TMEM244: variants seen among roughly 807,000 people sequenced by gnomAD.
TMEM244 encodes the protein transmembrane protein 244.
A neutral mutation model predicts 15.8 loss-of-function variants in TMEM244; 13 were observed. The ratio of observed to expected loss-of-function variants is 0.82; its 90% CI spans 0.53 to 1.30. The LOEUF is 1.30. Ranked by LOEUF, TMEM244 falls within the 50% of genes most tolerant of loss-of-function variation. TMEM244 has a pLI of 0.00. For missense variants in TMEM244, 161 were observed against 144.9 expected (o/e 1.11, Z -0.57); for synonymous variants, 45 against 48.7 (o/e 0.92, Z 0.32).
At chr6:129,859,061 T>A (rs1429091899) in intron 1 of TMEM244, among the ~76,000 whole-genome samples, 1 of 152,130 alleles carries the variant, frequency 6.6e-6, no homozygotes, top group African/African-American at 2.4e-5. Flanking sequence ...CCTAAAGTGC[T>A]GGGATTACAG....
Position 129,852,296 on chromosome 6 carries a change from T to C in TMEM244, c.34-6444A>G, listed in dbSNP as rs1203320294. On this transcript the variant is annotated intron_variant, in intron 1 of 4. Coordinates refer to ENST00000368143, the MANE Select transcript of TMEM244 (RefSeq NM_001010876.2). ...AACTTTTAAAGCATGCTTTGATTAA[T>C]ACAATTTTGAGGAACATCCCTAGGG... Among the ~76,000 whole-genome samples, 7 of 152,180 alleles carry C rather than the reference T, an allele frequency of 4.6e-5. No individual in the cohort carries two copies. In the East Asian group the frequency reaches 1.3e-3, roughly 29 times the overall value.
At position 129,843,548 on chromosome 6, in the gene TMEM244, G is replaced by A. The variant is rs146492931; in HGVS notation, c.175C>T (p.Leu59Phe). ...PFDFKTNPSW[L>F]NINYKVLLVS... The stretch of plus-strand genomic sequence containing the variant: ...CAATTACCTTTATAGTTTATGTTGA[G>A]CCATGAGGGATTTGTTTTGAAATCA... The change falls in exon 3 of 5, where the codon CTC (leucine) becomes TTC (phenylalanine). Residue 59 changes from leucine (L) to phenylalanine (F), a missense_variant. Coordinates refer to ENST00000368143, the MANE Select transcript of TMEM244 (RefSeq NM_001010876.2). 6.2e-7 allele frequency: 1 copy of A among 1,611,286 alleles called. No individual in the cohort carries two copies. The highest frequency in any genetic ancestry group is 8.5e-7 in the Non-Finnish European group (1 of 1,177,878).
At chr6:129,857,798 T>TTATATA (rs540005436) in intron 1 of TMEM244, among the ~76,000 whole-genome samples, 2 of 149,408 alleles carry the variant, frequency 1.3e-5, no homozygotes, top group African/African-American at 4.9e-5. Context: ...GTGTGGTTTT[T>TTATATA]TATATATATA....
At chr6:129,837,329 TCATAA>T (rs1375412421) in intron 3 of TMEM244, among the ~76,000 whole-genome samples, 37 of 152,130 alleles carry the variant, frequency 2.4e-4, no homozygotes, top group African/African-American at 8.9e-4. Context: ...AAACTAAGCT[TCATAA>T]GTGAAGGAGA....
At chr6:129,852,980 T>C (rs1452479246) in intron 1 of TMEM244, among the ~76,000 whole-genome samples, 1 of 152,144 alleles carries the variant, frequency 6.6e-6, no homozygotes, top group Admixed American at 6.6e-5. Context: ...TTCCAGTCTA[T>C]TGATGGAGCT....
chr6:129,855,768 A>G (rs1370929933), intron 1 of TMEM244, among the ~76,000 whole-genome samples: 1 of 152,166 alleles, frequency 6.6e-6, no homozygotes, highest in African/African-American at 2.4e-5. Flanking sequence ...TATGACTTTC[A>G]TTATTACTGA....
At chr6:129,837,702 T>C (rs867344856) in intron 3 of TMEM244, among the ~76,000 whole-genome samples, 1 of 152,096 alleles carries the variant, frequency 6.6e-6, no homozygotes, top group Non-Finnish European at 1.5e-5. Context: ...AAGACGCACA[T>C]AGGCTCAAAA....
At chr6:129,839,258 G>T (rs1349784615) in intron 3 of TMEM244, among the ~76,000 whole-genome samples, 1 of 152,174 alleles carries the variant, frequency 6.6e-6, no homozygotes, top group Non-Finnish European at 1.5e-5. Context: ...TCCCTGGGAT[G>T]CAAGGCTGGT....
rs549649524 is a variant in TMEM244, at chr6:129,835,404, TA to T, written c.194-1820del. Among the ~76,000 whole-genome samples the T allele has an allele frequency of 7.3e-3, 1,009 of 138,146 alleles. 3 individuals are homozygous for T. Among genetic ancestry groups the T allele is most frequent in the African/African-American group, 0.014 (538 of 37,304 alleles). The allele number at this position is 138,146 out of a possible 152,430, so 90.6% of individuals were successfully genotyped here. ...GGTGACAGAGTGAATCTCTGTCTCT[TA>T]AAAAAAAAAAAAAAGAGTTATGGAG... On this transcript the variant is annotated intron_variant, in intron 3 of 4. Coordinates refer to ENST00000368143, the MANE Select transcript of TMEM244 (RefSeq NM_001010876.2).
chr6:129,833,815 ATTC>A (rs1488100595), intron 3 of TMEM244, among the ~76,000 whole-genome samples: 2 of 129,282 alleles, frequency 1.5e-5, no homozygotes, highest in Non-Finnish European at 3.3e-5. Flanking sequence ...TCTGTTTCAC[ATTC>A]TTTGTGTTTA....
At position 129,848,683 on chromosome 6, in the gene TMEM244, G is replaced by T. The variant is rs545425425; in HGVS notation, c.34-2831C>A. Among the ~76,000 whole-genome samples, 6 of 152,292 alleles carry T rather than the reference G, an allele frequency of 3.9e-5. No homozygotes were observed. The East Asian group carries it at 1.2e-3, about 29-fold the overall frequency. On this transcript the variant is annotated intron_variant, in intron 1 of 4. Transcript: ENST00000368143. ...AAATCTTCCCCAATTGCTGGGATGA[G>T]AATTTGCTGCTGGGAGATGGGTATG... is the stretch of plus-strand genomic sequence containing the variant.
intron 1 of TMEM244, among the ~76,000 whole-genome samples, chr6:129,858,644 A>G (rs1776753175): frequency 6.6e-6 from 1 of 152,180 alleles, no homozygotes; most frequent in Non-Finnish European, 1.5e-5. Flanking sequence ...TCCAGTCTCT[A>G]AAAGACAGAC....
chr6:129,852,138 T>C (rs1460967888), intron 1 of TMEM244, among the ~76,000 whole-genome samples: 1 of 152,176 alleles, frequency 6.6e-6, no homozygotes, highest in Non-Finnish European at 1.5e-5. Context: ...GATTGAATAG[T>C]TGATAATTTT....
chr6:129,849,047 C>T (rs1776601389), intron 1 of TMEM244, among the ~76,000 whole-genome samples: 2 of 151,820 alleles, frequency 1.3e-5, no homozygotes, highest in Non-Finnish European at 2.9e-5. Context: ...TACTACAAAC[C>T]CAGAAAACCT....
At chr6:129,848,326 T>C (rs1256673394) in intron 1 of TMEM244, among the ~76,000 whole-genome samples, 1 of 152,236 alleles carries the variant, frequency 6.6e-6, no homozygotes, top group African/African-American at 2.4e-5. Flanking sequence ...AGACTTCCCA[T>C]TATGTCTCAT....
Position 129,833,591 on chromosome 6 carries a change from A to C in TMEM244, c.194-6T>G. On this transcript the variant is annotated splice_polypyrimidine_tract_variant and splice_region_variant and intron_variant, in intron 3 of 4. Coordinates refer to ENST00000368143, the MANE Select transcript of TMEM244 (RefSeq NM_001010876.2). Reference sequence around the variant, plus strand: ...CTCTGTTGAAACTAAAAGAACTGCAAATACAAGGAAGAATATAATTATTGA... The same window carrying C: ...CTCTGTTGAAACTAAAAGAACTGCACATACAAGGAAGAATATAATTATTGA... The C allele has an allele frequency of 6.2e-7, 1 of 1,610,302 alleles. No homozygotes were observed. The highest frequency in any genetic ancestry group is 8.5e-7 in the Non-Finnish European group (1 of 1,178,562).
chr6:129,852,889 C>T (rs1391040337), intron 1 of TMEM244, among the ~76,000 whole-genome samples: 2 of 152,172 alleles, frequency 1.3e-5, no homozygotes. Flanking sequence ...TCCTCACCAT[C>T]TCCCTCTTTT....
intron 1 of TMEM244, among the ~76,000 whole-genome samples, chr6:129,846,609 G>A (rs1375562482): frequency 6.6e-6 from 1 of 152,030 alleles, no homozygotes; most frequent in Non-Finnish European, 1.5e-5. Flanking sequence ...GCCAATATTT[G>A]TATTTTAACT....
In TMEM244 at chr6:129,831,266, A is replaced by G; in HGVS notation, c.*53T>C. The G allele has an allele frequency of 1.9e-6, 2 of 1,029,852 alleles. No individual in the cohort carries two copies. Among genetic ancestry groups the G allele is most frequent in the East Asian group, 2.4e-5 (1 of 41,326 alleles). The allele number at this position is 1,029,852 out of a possible 1,614,324, so 63.8% of individuals were successfully genotyped here. A position where few individuals can be genotyped will look rare whatever the true frequency, so the allele number is the denominator to read the frequency against. ...TAATTGTAAAATCTATGAGAAAATA[A>G]AATATATTTCCACAGTTATTCTATT... On this transcript the variant is annotated 3_prime_UTR_variant, in exon 5 of 5. Coordinates refer to ENST00000368143, the MANE Select transcript of TMEM244 (RefSeq NM_001010876.2).
Sources: gnomAD v4.1 joint callset for allele counts (sites outside exome capture counted in the v4.1 genomes callset) on GRCh38, gnomAD v4.1.1 for gene constraint, MANE v1.5 for transcripts, NCBI Gene and HGNC (gene_info 2026-07-23, HGNC 2026-07-21) for gene names.